Variants in CRB1 observed in about 807,000 individuals in gnomAD.
CRB1 encodes protein crumbs homolog 1.
CRB1 carries 83 observed loss-of-function variants against 120.0 expected under a neutral mutation model. The observed-to-expected ratio is 0.69, with a 90% CI of 0.58 to 0.83. CRB1 has a LOEUF of 0.83. CRB1 is among the 40% of genes least tolerant of loss of function. CRB1 has a pLI of 0.00. For synonymous variants in CRB1, 625 were observed against 612.5 expected (o/e 1.02, Z -0.30); for missense variants, 1,699 against 1,687.6 (o/e 1.01, Z -0.12).
At chr1:197,246,832 A>G in the CRB1 span, among the ~76,000 whole-genome samples, 1 of 152,052 alleles carries the variant, frequency 6.6e-6, no homozygotes, top group Non-Finnish European at 1.5e-5. Flanking sequence ...TGTATCAGAG[A>G]GTCTATGGTT....
chr1:197,470,250 AGGATACAC>A (rs2125561845), intron 11 of CRB1, among the ~76,000 whole-genome samples: 1 of 152,352 alleles, frequency 6.6e-6, no homozygotes, highest in African/African-American at 2.4e-5. Context: ...CCATTACAGC[AGGATACAC>A]ACAAAAACTC....
At chr1:197,322,407 G>T (rs142990389) in intron 1 of CRB1, among the ~76,000 whole-genome samples, 8,604 of 151,732 alleles carry the variant, frequency 0.057, 294 homozygotes, top group East Asian at 0.075. Flanking sequence ...AGGTTGCAGT[G>T]AGCCAAGATC....
In CRB1 at chr1:197,297,999, T is replaced by C. The variant is rs1439129515; in HGVS notation, c.70+29517T>C. ...GCACTGAGTGGAAACTGAGTGAGAA[T>C]AGATGGTGAACATAGACAACTGTTC... On this transcript the variant is annotated intron_variant, in intron 1 of 11. Transcript: ENST00000367400. 2.6e-5 allele frequency among the ~76,000 whole-genome samples: 4 copies of C among 152,028 alleles called. No individual in the cohort carries two copies. The East Asian group carries it at 7.8e-4, about 30-fold the overall frequency.
intron 1 of CRB1, chr1:197,304,286 A>G (rs1398784326): frequency 5.4e-6 from 2 of 371,068 alleles, no homozygotes; most frequent in Non-Finnish European, 7.5e-6. Context: ...GTTAAATGCA[A>G]TTAGATATTT....
chr1:197,413,163 T>A (rs1043349403), intron 5 of CRB1, among the ~76,000 whole-genome samples: 1 of 152,174 alleles, frequency 6.6e-6, no homozygotes, highest in Non-Finnish European at 1.5e-5. Flanking sequence ...GGTCCTCAGG[T>A]TCCCCTTTAA....
At chr1:197,341,717 T>TC (rs2125324275) in intron 2 of CRB1, among the ~76,000 whole-genome samples, 1 of 152,306 alleles carries the variant, frequency 6.6e-6, no homozygotes, top group African/African-American at 2.4e-5. Context: ...ACATTTTTTT[T>TC]CCCAATGCAC....
the CRB1 span, among the ~76,000 whole-genome samples, chr1:197,238,594 C>T: frequency 6.6e-6 from 1 of 152,094 alleles, no homozygotes; most frequent in Admixed American, 6.5e-5. Context: ...GCCTGTTACC[C>T]CAGCACTTTG....
At chr1:197,323,893 G>T (rs776401720) in intron 1 of CRB1, among the ~76,000 whole-genome samples, 1 of 152,130 alleles carries the variant, frequency 6.6e-6, no homozygotes, top group Non-Finnish European at 1.5e-5. Context: ...GAGAGAAAAA[G>T]AAACCTTTGA....
chr1:197,201,527 A>G, the CRB1 span, among the ~76,000 whole-genome samples: 52 of 152,120 alleles, frequency 3.4e-4, no homozygotes, highest in Non-Finnish European at 6.0e-4. Flanking sequence ...GACCCTAGCT[A>G]CACGCCGAAT....
At chr1:197,458,945 T>C (rs1666405602) in intron 11 of CRB1, among the ~76,000 whole-genome samples, 2 of 151,986 alleles carry the variant, frequency 1.3e-5, no homozygotes, top group Admixed American at 6.6e-5. Context: ...AAAGTTTTCA[T>C]GGAGGATACG....
chr1:197,297,418 A>G (rs1402428356), intron 1 of CRB1, among the ~76,000 whole-genome samples: 1 of 152,070 alleles, frequency 6.6e-6, no homozygotes, highest in African/African-American at 2.4e-5. Flanking sequence ...GAACCTGAGG[A>G]TTCTGGCTTG....
intron 5 of CRB1, chr1:197,360,363 G>A (rs2125360779): frequency 6.6e-6 from 1 of 152,404 alleles, no homozygotes; most frequent in South Asian, 2.1e-4. Context: ...TTCTGCTGCA[G>A]CATGAAATGG....
rs781272139 is a variant in CRB1 at position 197,344,361 on chromosome 1, G to A, written c.733G>A (p.Ala245Thr). The change falls in exon 3 of 12, where the codon GCC (alanine) becomes ACC (threonine). Residue 245 changes from alanine to threonine, a missense_variant. By Grantham distance (58) the Ala-to-Thr change is moderately conservative. Transcript: ENST00000367400. ...NGATCQDALG[A>T]YFCDCAPGFL... Reference sequence around the variant, plus strand: ...TGCAACTTGTCAGGATGCTCTGGGGGCCTATTTCTGCGACTGTGCCCCTGG... The same window carrying A: ...TGCAACTTGTCAGGATGCTCTGGGGACCTATTTCTGCGACTGTGCCCCTGG... 4 of 1,614,108 alleles carry A rather than the reference G, an allele frequency of 2.5e-6. No individual in the cohort carries two copies. The highest frequency in any genetic ancestry group is 3.4e-6 in the Non-Finnish European group (4 of 1,179,986).
intron 1 of CRB1, among the ~76,000 whole-genome samples, chr1:197,297,323 A>G (rs1656589041): frequency 6.6e-6 from 1 of 151,978 alleles, no homozygotes; most frequent in Non-Finnish European, 1.5e-5. Flanking sequence ...TATTATACAT[A>G]TATTAGTTGT....
intron 1 of CRB1, among the ~76,000 whole-genome samples, chr1:197,314,349 A>T (rs554689422): frequency 3.3e-5 from 5 of 152,240 alleles, no homozygotes; most frequent in Admixed American, 6.5e-5. Flanking sequence ...TTACTTTTCA[A>T]TTCTGAAATT....
chr1:197,454,556 T>C (rs906560659), intron 11 of CRB1, among the ~76,000 whole-genome samples: 14 of 152,130 alleles, frequency 9.2e-5, no homozygotes, highest in African/African-American at 3.1e-4. Flanking sequence ...TTTCATGTGT[T>C]CTGAATAGAA....
In CRB1 at chr1:197,454,626, G is replaced by T. The variant is rs184303210; in HGVS notation, c.4005+12334G>T. Among the ~76,000 whole-genome samples the T allele has an allele frequency of 7.4e-4, 112 of 152,240 alleles. 1 individual carries two copies. The highest frequency in any genetic ancestry group is 2.6e-3 in the African/African-American group (110 of 41,532). ...ATTATAGATGCAACCAACTAAATTG[G>T]TTGGTTTGTTAAGCCATAGACAACT... On this transcript the variant is annotated intron_variant, in intron 11 of 11. Coordinates refer to ENST00000367400, the MANE Select transcript of CRB1 (RefSeq NM_201253.3).
At chr1:197,414,486 C>T (rs1000343887) in intron 5 of CRB1, among the ~76,000 whole-genome samples, 5 of 152,000 alleles carry the variant, frequency 3.3e-5, no homozygotes, top group Non-Finnish European at 7.4e-5. Flanking sequence ...TTTTTGCTAT[C>T]ATGATTATTT....
intron 11 of CRB1, among the ~76,000 whole-genome samples, chr1:197,473,749 C>T (rs1453160535): frequency 1.3e-5 from 2 of 151,944 alleles, no homozygotes; most frequent in South Asian, 2.1e-4. Flanking sequence ...TCTCGTCCTG[C>T]ACCTGGAGGC....
Sources: allele counts gnomAD v4.1 joint callset (sites outside exome capture counted in the v4.1 genomes callset), GRCh38; gene constraint gnomAD v4.1.1; transcripts MANE v1.5; gene names NCBI Gene and HGNC (gene_info 2026-07-23, HGNC 2026-07-21).